Variants in CFAP46 observed in about 807,000 individuals in gnomAD.
CFAP46 encodes the protein cilia and flagella associated protein 46.
A neutral mutation model predicts 325.7 loss-of-function variants in CFAP46; 245 were observed. The observed-to-expected ratio is 0.75, with a 90% CI of 0.68 to 0.84. The LOEUF (loss-of-function observed/expected upper bound fraction) is 0.84, where lower values mean the gene tolerates loss of function less well. CFAP46 is among the 40% of genes least tolerant of loss of function. The pLI, the probability that CFAP46 is intolerant of heterozygous loss-of-function variation, is 0.00. For missense variants in CFAP46, 3,346 were observed against 3,543.0 expected (o/e 0.94, Z 1.41); for synonymous variants, 1,523 against 1,495.9 (o/e 1.02, Z -0.42).
intron 50 of CFAP46, among the ~76,000 whole-genome samples, chr10:132,819,463 T>C (rs1231259004): frequency 6.6e-6 from 1 of 152,182 alleles, no homozygotes; most frequent in East Asian, 1.9e-4. Context: ...ACAAAGCTGG[T>C]GGCATCACAT....
Position 132,919,235 on chromosome 10 carries a change from T to G in CFAP46, c.1858+80A>C, listed in dbSNP as rs117774050. The stretch of plus-strand genomic sequence containing the variant: ...CATGCGAAGGCCCCATGGGTTGTCA[T>G]TGCACGAACCACAACCCTTCCCACA... On this transcript the variant is annotated intron_variant, in intron 15 of 57. Coordinates refer to ENST00000368586, the MANE Select transcript of CFAP46 (RefSeq NM_001200049.3). The surrounding 1 kb of genome is among the most constrained non-coding windows in gnomAD (Gnocchi z 9.7). 4 of 1,442,482 alleles carry G rather than the reference T, an allele frequency of 2.8e-6. No individual in the cohort carries two copies. Among genetic ancestry groups the G allele is most frequent in the East Asian group, 2.5e-5 (1 of 39,232 alleles). 89.4% of individuals were successfully genotyped at this position (1,442,482 alleles called of 1,614,324 possible). A position where few individuals can be genotyped will look rare whatever the true frequency, so the allele number is the denominator to read the frequency against.
At chr10:132,873,738 G>T (rs960264305) in intron 31 of CFAP46, among the ~76,000 whole-genome samples, 5 of 152,160 alleles carry the variant, frequency 3.3e-5, no homozygotes, top group Non-Finnish European at 5.9e-5. Flanking sequence ...GAAAGCACAG[G>T]GTCCTTTGAG....
chr10:132,902,004 T>C (rs1293151367), intron 22 of CFAP46, among the ~76,000 whole-genome samples: 1 of 152,166 alleles, frequency 6.6e-6, no homozygotes, highest in Non-Finnish European at 1.5e-5. Flanking sequence ...GCTAACTCCT[T>C]TCCAGGATCT....
chr10:132,844,588 C>T (rs1269787079), intron 44 of CFAP46, among the ~76,000 whole-genome samples: 1 of 152,122 alleles, frequency 6.6e-6, no homozygotes, highest in Non-Finnish European at 1.5e-5. Context: ...AACAGGAGGG[C>T]CTGAGGAGTG....
chr10:132,840,736 C>T (rs1244760904), intron 44 of CFAP46, among the ~76,000 whole-genome samples: 1 of 152,142 alleles, frequency 6.6e-6, no homozygotes, highest in African/African-American at 2.4e-5. Context: ...TCAAGGTGCC[C>T]GTGTTTCTCA....
chr10:132,927,927 G>A (rs978213087), intron 9 of CFAP46, among the ~76,000 whole-genome samples: 4 of 152,178 alleles, frequency 2.6e-5, no homozygotes, highest in South Asian at 2.1e-4. Context: ...GGTCGCTTTC[G>A]ACCAGTGGTC....
chr10:132,885,107 A>T lies in CFAP46; in HGVS notation c.3623T>A (p.Leu1208Ter). ...CCCACGCTTACGGCTTCACACCTGC[A>T]AGGCCTGGATGGCGTTGTTGTAGCA... ...LACYNNAIQALQKPEMEWQKV... is the reference protein window; with the variant it reads ...LACYNNAIQA The change falls in exon 27 of 58, where the codon TTG becomes TAG. Residue 1208 changes from leucine (L) to a stop codon, truncating the protein, a stop_gained. Transcript: ENST00000368586. LOFTEE classifies it high-confidence loss of function. 6.5e-7 allele frequency: 1 copy of T among 1,544,868 alleles called. No individual in the cohort carries two copies. Among genetic ancestry groups the T allele is most frequent in the East Asian group, 2.5e-5 (1 of 40,746 alleles).
At position 132,892,430 on chromosome 10, in the gene CFAP46, A is replaced by G. The variant is rs1385776805; in HGVS notation, c.3220-13T>C. The G allele has an allele frequency of 2.1e-5, 33 of 1,550,216 alleles. No homozygotes were observed. The African/African-American group carries it at 4.0e-4, about 19-fold the overall frequency. On this transcript the variant is annotated splice_polypyrimidine_tract_variant and intron_variant, in intron 24 of 57. Coordinates refer to ENST00000368586, the MANE Select transcript of CFAP46 (RefSeq NM_001200049.3). ...TCTTTCCTTTCTCCTAAAGTAACGC[A>G]AGTAAACGACACGTATATTTGAAAG... is the stretch of plus-strand genomic sequence containing the variant.
chr10:132,924,529 C>T (rs894465015), intron 11 of CFAP46, among the ~76,000 whole-genome samples, 167 bp downstream of exon 11: 4 of 152,350 alleles, frequency 2.6e-5, no homozygotes, highest in African/African-American at 7.2e-5. Context: ...GAGGACCCGA[C>T]GTGCCTGGCC....
At chr10:132,913,373 GCGGGT>G in intron 17 of CFAP46, 115 bp from the exon 18 acceptor site, 10 of 585,732 alleles carry the variant, frequency 1.7e-5, no homozygotes, top group African/African-American at 3.8e-5. Context: ...AGTGGGAGGG[GCGGGT>G]GGGCGGCGAC....
chr10:132,910,088 G>A lies in CFAP46; in HGVS notation c.2500-20C>T, dbSNP rs903522044. On this transcript the variant is annotated intron_variant, in intron 19 of 57. Coordinates refer to ENST00000368586, the MANE Select transcript of CFAP46 (RefSeq NM_001200049.3). Reference sequence around the variant, plus strand: ...GCAGACCTAGGACAGACGTGTTCTCGGTCACGAAACCTGAATTCTAAACAG... The same window carrying A: ...GCAGACCTAGGACAGACGTGTTCTCAGTCACGAAACCTGAATTCTAAACAG... The A allele has an allele frequency of 1.3e-5, 18 of 1,397,174 alleles. No homozygotes were observed. The highest frequency in any genetic ancestry group is 3.7e-4 in the Middle Eastern group (2 of 5,404). 86.5% of individuals were successfully genotyped at this position (1,397,174 alleles called of 1,614,324 possible).
chr10:132,913,541 G>A (rs759568247), intron 17 of CFAP46, among the ~76,000 whole-genome samples: 4 of 152,196 alleles, frequency 2.6e-5, no homozygotes, highest in Non-Finnish European at 5.9e-5. Context: ...TGCTCCTTGC[G>A]AGAATTGAAC....
chr10:132,918,789 CT>C (rs1849676200), intron 15 of CFAP46, among the ~76,000 whole-genome samples: 1 of 152,136 alleles, frequency 6.6e-6, no homozygotes, highest in Non-Finnish European at 1.5e-5. Context: ...GCACCTGTGG[CT>C]CTCCCAACTC....
At chr10:132,902,511 T>C (rs1849405457) in intron 22 of CFAP46, among the ~76,000 whole-genome samples, 1 of 152,254 alleles carries the variant, frequency 6.6e-6, no homozygotes, top group Non-Finnish European at 1.5e-5. Context: ...CCATTCTTTA[T>C]TGAAATTCCT....
chr10:132,812,985 G>T (rs1203657042), intron 54 of CFAP46, 88 bp from the exon 55 acceptor site: 9 of 985,836 alleles, frequency 9.1e-6, no homozygotes, highest in African/African-American at 3.2e-5. Context: ...CACATCCTGC[G>T]TGGTCCACGC....
At chr10:132,825,632 T>C (rs975222013) in intron 50 of CFAP46, among the ~76,000 whole-genome samples, 1 of 152,160 alleles carries the variant, frequency 6.6e-6, no homozygotes, top group Non-Finnish European at 1.5e-5. Context: ...AATTAGACTA[T>C]AATAACATTA....
chr10:132,907,287 AT>A (rs1438540196), intron 22 of CFAP46, among the ~76,000 whole-genome samples: 4 of 152,258 alleles, frequency 2.6e-5, no homozygotes, highest in African/African-American at 9.6e-5. Context: ...CTGCAGAAAC[AT>A]TTACAATAGC....
chr10:132,924,598 A>T, intron 11 of CFAP46, 98 bp downstream of exon 11: 1 of 1,193,628 alleles, frequency 8.4e-7, no homozygotes. Context: ...TGCTTGTGGC[A>T]CTGTCATGGC....
chr10:132,859,234 G>T lies in CFAP46; in HGVS notation c.5212C>A (p.Arg1738=). ...TDLEARCLSL[R]VRVAQHSAVT... is the part of the protein sequence containing the mutation. ...GCTGAGTGCTGCGCAACTCTGACCC[G>T]CAGGCTCAGGCACCTGACGGAGGGA... Residue 1738 remains arginine, a synonymous_variant, in exon 38 of 58, where the codon CGG becomes AGG. Transcript: ENST00000368586. 1 of 1,548,280 alleles carries T rather than the reference G, an allele frequency of 6.5e-7. No homozygotes were observed. The highest frequency in any genetic ancestry group is 1.2e-5 in the South Asian group (1 of 84,008).
Sources: allele counts gnomAD v4.1 joint callset (sites outside exome capture counted in the v4.1 genomes callset), GRCh38; gene constraint gnomAD v4.1.1; non-coding constraint Gnocchi (gnomAD v3.1); transcripts MANE v1.5; gene names NCBI Gene and HGNC (gene_info 2026-07-23, HGNC 2026-07-21).